RAF1: variants seen among roughly 807,000 people sequenced by gnomAD.
RAF1 encodes RAF proto-oncogene serine/threonine-protein kinase.
RAF1 carries 27 observed loss-of-function variants against 81.1 expected under a neutral mutation model. The observed-to-expected ratio is 0.33, with a 90% CI of 0.25 to 0.46. The LOEUF (loss-of-function observed/expected upper bound fraction) is 0.46, where lower values mean the gene tolerates loss of function less well. RAF1 is among the 20% of genes least tolerant of loss of function. The probability of loss-of-function intolerance (pLI) is 1.00; values close to 1 mark genes in which losing one functional copy is unlikely to be tolerated. For missense variants in RAF1, 598 were observed against 826.0 expected (o/e 0.72, Z 3.38); for synonymous variants, 298 against 294.0 (o/e 1.01, Z -0.14).
intron 3 of RAF1, 61 bp downstream of exon 3, chr3:12,611,889 C>T: frequency 8.9e-7 from 1 of 1,129,758 alleles, no homozygotes; most frequent in Non-Finnish European, 1.4e-6. Context: ...ACAAACATAG[C>T]TATTTGAAGC....
rs2125397288 is a variant in RAF1, at chr3:12,604,167, G to T, written c.803C>A (p.Thr268Asn). The T allele has an allele frequency of 6.2e-7, 1 of 1,614,168 alleles. No individual in the cohort carries two copies. Among genetic ancestry groups the T allele is most frequent in the South Asian group, 1.1e-5 (1 of 91,084 alleles). Residue 268 changes from threonine to asparagine, a missense_variant, in exon 7 of 18, where the codon ACC (threonine) becomes AAC (asparagine). Physicochemically the swap from Thr to Asn is moderately conservative, Grantham distance 65. Transcript: ENST00000442415. ...CATCCTGCTGTCCACAGGCAGGGTG[G>T]TGCTGACCATGTGGACATTAGGTGT...
At chr3:12,605,396 C>T (rs1250928811) in intron 6 of RAF1, among the ~76,000 whole-genome samples, 2 of 151,974 alleles carry the variant, frequency 1.3e-5, no homozygotes. Flanking sequence ...CCTGCTTCAG[C>T]CTCCCAAGTA....
intron 2 of RAF1, among the ~76,000 whole-genome samples, 191 bp downstream of exon 2, chr3:12,618,324 C>A (rs1220022154): frequency 6.6e-6 from 1 of 150,560 alleles, no homozygotes; most frequent in African/African-American, 2.4e-5. Flanking sequence ...AGAAGGAAGG[C>A]CAAGAGGTAG....
Position 12,663,956 on chromosome 3 carries a change from G to A in RAF1, c.-170C>T, listed in dbSNP as rs552069185. On this transcript the variant is annotated 5_prime_UTR_variant, in exon 1 of 18. Transcript: ENST00000442415. The stretch of plus-strand genomic sequence containing the variant: ...GGGGACGGAGCCCCGAGCAGCCCCC[G>A]CATCGTAGCAAACGCGCTCCGCGCC... 7.3e-5 allele frequency: 29 copies of A among 398,426 alleles called. No homozygotes were observed. Among genetic ancestry groups the A allele is most frequent in the East Asian group, 6.4e-4 (18 of 28,068 alleles). 24.7% of individuals were successfully genotyped at this position (398,426 alleles called of 1,614,324 possible).
intron 1 of RAF1, among the ~76,000 whole-genome samples, chr3:12,648,861 T>C (rs931100969): frequency 6.6e-6 from 1 of 152,150 alleles, no homozygotes; most frequent in Non-Finnish European, 1.5e-5. Context: ...ACGCCTGTAA[T>C]CCCAGCACTT....
At chr3:12,656,402 T>C (rs2060696366) in intron 1 of RAF1, among the ~76,000 whole-genome samples, 1 of 152,090 alleles carries the variant, frequency 6.6e-6, no homozygotes, top group African/African-American at 2.4e-5. Flanking sequence ...ACTCTACATA[T>C]AATGCCCAAT....
intron 7 of RAF1, 31 bp downstream of exon 7, chr3:12,604,105 T>C (rs2125396546): frequency 6.2e-7 from 1 of 1,613,148 alleles, no homozygotes; most frequent in East Asian, 2.2e-5. Flanking sequence ...ATTAATTGAC[T>C]GACATTACCA....
chr3:12,615,575 C>A (rs148274820), intron 2 of RAF1, among the ~76,000 whole-genome samples: 1 of 152,122 alleles, frequency 6.6e-6, no homozygotes, highest in East Asian at 1.9e-4. Context: ...CCTCAAGCTG[C>A]GTGCCTGGTG....
intron 1 of RAF1, among the ~76,000 whole-genome samples, chr3:12,653,531 G>A (rs1012604259): frequency 1.2e-4 from 19 of 152,060 alleles, no homozygotes; most frequent in African/African-American, 2.9e-4. Flanking sequence ...GATTACTTGA[G>A]GTCAGGAGTT....
intron 11 of RAF1, among the ~76,000 whole-genome samples, chr3:12,597,371 A>T (rs1030412964): frequency 6.6e-6 from 1 of 152,184 alleles, no homozygotes; most frequent in Non-Finnish European, 1.5e-5. Flanking sequence ...GAATCCCCAA[A>T]TGAAAGTGCG....
intron 1 of RAF1, among the ~76,000 whole-genome samples, chr3:12,662,473 G>GAA (rs1216171760): frequency 6.6e-6 from 1 of 151,102 alleles, no homozygotes; most frequent in Non-Finnish European, 1.5e-5. Flanking sequence ...AACAAAGGGA[G>GAA]AAAATTATCA....
chr3:12,612,362 G>A (rs2059239880), intron 2 of RAF1, among the ~76,000 whole-genome samples: 1 of 152,126 alleles, frequency 6.6e-6, no homozygotes, highest in African/African-American at 2.4e-5. Context: ...TTTTAAAGGT[G>A]AAGAGGCCAG....
At chr3:12,589,750 G>A (rs1674587519) in intron 13 of RAF1, 1 of 151,874 alleles carries the variant, frequency 6.6e-6, no homozygotes, top group African/African-American at 2.4e-5. Context: ...AGGTGACAGA[G>A]TGAGAACCTG....
chr3:12,624,451 C>T (rs1290634617), intron 1 of RAF1, among the ~76,000 whole-genome samples: 1 of 152,138 alleles, frequency 6.6e-6, no homozygotes, highest in Non-Finnish European at 1.5e-5. Context: ...CCTGTTGATA[C>T]TACCTTCAAA....
chr3:12,599,246 G>T (rs5746229), intron 11 of RAF1: 5,213 of 170,576 alleles, frequency 0.031, 310 homozygotes, highest in African/African-American at 0.12. Flanking sequence ...ACAAAGAGAA[G>T]TTACTTCAGG....
chr3:12,648,465 A>G (rs762643869), intron 1 of RAF1, among the ~76,000 whole-genome samples: 3 of 152,184 alleles, frequency 2.0e-5, no homozygotes, highest in Non-Finnish European at 4.4e-5. Context: ...AAAGATAAGG[A>G]CACAGAATAT....
intron 11 of RAF1, among the ~76,000 whole-genome samples, chr3:12,598,744 A>G (rs899030374): frequency 3.3e-5 from 5 of 149,526 alleles, no homozygotes; most frequent in Non-Finnish European, 6.0e-5. Flanking sequence ...AAAAAAAAAA[A>G]AAAAAAAAAC....
chr3:12,583,700 AATC>A lies in RAF1; in HGVS notation c.*811_*813del. 8.6e-6 allele frequency: 2 copies of A among 233,518 alleles called. No homozygotes were observed. Among genetic ancestry groups the A allele is most frequent in the East Asian group, 1.2e-4 (2 of 16,594 alleles). The allele number at this position is 233,518 out of a possible 1,614,324, so 14.5% of individuals were successfully genotyped here. A position where few individuals can be genotyped will look rare whatever the true frequency, so the allele number is the denominator to read the frequency against. The stretch of plus-strand genomic sequence containing the variant: ...GCAATAAAAACAAAATTAAAACCCA[AATC>A]ATCAAGAAAACCTGTATTCCTGGCT... On this transcript the variant is annotated 3_prime_UTR_variant, in exon 18 of 18. Transcript: ENST00000442415.
At chr3:12,599,923 A>T in intron 10 of RAF1, 115 bp from the exon 10 acceptor site, 1 of 1,189,180 alleles carries the variant, frequency 8.4e-7, no homozygotes, top group East Asian at 2.3e-5. Context: ...AAAGATAAAC[A>T]TATTAACCAT....
Sources: allele counts gnomAD v4.1 joint callset (sites outside exome capture counted in the v4.1 genomes callset), GRCh38; gene constraint gnomAD v4.1.1; transcripts MANE v1.5; gene names NCBI Gene and HGNC (gene_info 2026-07-23, HGNC 2026-07-21).